DGKB: variants seen among roughly 807,000 people sequenced by gnomAD.
DGKB encodes 90 kDa diacylglycerol kinase.
Under a neutral mutation model 114.3 loss-of-function variants are expected in DGKB, and 67 were observed. That is an observed-to-expected ratio of 0.59 (90% CI 0.48 to 0.72). The LOEUF is 0.72. Among genes scored for constraint, DGKB ranks in the 30% least tolerant of loss-of-function variants. The pLI, the probability that DGKB is intolerant of heterozygous loss-of-function variation, is 0.00. For missense variants in DGKB, 907 were observed against 975.2 expected, an observed-to-expected ratio of 0.93 and a Z score of 0.93; for synonymous variants, 398 against 323.1, an observed-to-expected ratio of 1.23 and a Z score of -2.49.
Position 14,552,065 on chromosome 7 carries a change from T to A in DGKB, c.1770+22147A>T, listed in dbSNP as rs75916674. ...GCTAAATATGCTTTATAATATTATA[T>A]TTAATATTAAACAACAGGATAAATA... On this transcript the variant is annotated intron_variant, in intron 20 of 25. Transcript: ENST00000402815. 2.6e-3 allele frequency among the ~76,000 whole-genome samples: 394 copies of A among 152,224 alleles called. 3 individuals are homozygous for A. Among genetic ancestry groups the A allele is most frequent in the African/African-American group, 9.0e-3 (373 of 41,536 alleles).
At chr7:14,947,913 G>A (rs1297363112) in intron 1 of DGKB, among the ~76,000 whole-genome samples, 1 of 151,454 alleles carries the variant, frequency 6.6e-6, no homozygotes, top group Non-Finnish European at 1.5e-5. Context: ...CCAAAATATT[G>A]TGATGATTGA....
chr7:14,506,097 G>A (rs1020966940), intron 20 of DGKB, among the ~76,000 whole-genome samples: 1 of 152,132 alleles, frequency 6.6e-6, no homozygotes, highest in Non-Finnish European at 1.5e-5. Context: ...TGTTTCTAGT[G>A]CAAATGGCCA....
intron 23 of DGKB, among the ~76,000 whole-genome samples, chr7:14,260,109 A>C (rs569690300): frequency 2.1e-5 from 3 of 143,298 alleles, no homozygotes; most frequent in African/African-American, 8.0e-5. Context: ...CACACACATG[A>C]ACACACACAC....
At position 14,817,476 on chromosome 7, in the gene DGKB, C is replaced by T. The variant is rs1844318562; in HGVS notation, c.70+23718G>A. ...CCAAATAGAAATAAAAACATAAAAG[C>T]TTCTAAGGTATTGATGACGATAAAA... On this transcript the variant is annotated intron_variant, in intron 2 of 25. Transcript: ENST00000402815. Among the ~76,000 whole-genome samples, 4 of 151,998 alleles carry T rather than the reference C, an allele frequency of 2.6e-5. No homozygotes were observed. In the South Asian group the frequency reaches 8.3e-4, roughly 31 times the overall value.
chr7:14,792,744 G>T (rs1324327883), intron 2 of DGKB, among the ~76,000 whole-genome samples: 1 of 138,384 alleles, frequency 7.2e-6, no homozygotes, highest in African/African-American at 2.9e-5. Context: ...AATCTTTTAG[G>T]AAAAGACACC....
intron 2 of DGKB, among the ~76,000 whole-genome samples, chr7:14,783,579 G>A (rs1453190327): frequency 6.6e-6 from 1 of 152,104 alleles, no homozygotes. Flanking sequence ...GTTATGTATG[G>A]TCATTTCTAT....
chr7:14,820,835 G>C (rs761963831), intron 2 of DGKB, among the ~76,000 whole-genome samples: 1 of 152,132 alleles, frequency 6.6e-6, no homozygotes, highest in Non-Finnish European at 1.5e-5. Context: ...GAAAAATTCT[G>C]CAGCACAATG....
chr7:14,807,770 G>A (rs190552153), intron 2 of DGKB, among the ~76,000 whole-genome samples: 282 of 152,086 alleles, frequency 1.9e-3, no homozygotes, highest in African/African-American at 6.6e-3. Context: ...GCTCTTTAAA[G>A]CATCTCCTTT....
At chr7:14,847,265 T>C (rs959960251) in intron 1 of DGKB, among the ~76,000 whole-genome samples, 1 of 128,352 alleles carries the variant, frequency 7.8e-6, no homozygotes, top group African/African-American at 3.0e-5. Context: ...CACTCCAGCC[T>C]GGGCGACAGA....
chr7:14,157,420 T>C lies in DGKB; in HGVS notation c.2305-8182A>G, dbSNP rs1281877464. ...TTCTAGCCATTATTTTCTGGAATGA[T>C]AATTTCCAAGTTTAATGTTAAAGTC... On this transcript the variant is annotated intron_variant, in intron 25 of 25. Coordinates refer to ENST00000402815, the MANE Select transcript of DGKB (RefSeq NM_001350709.2). 3.3e-5 allele frequency among the ~76,000 whole-genome samples: 5 copies of C among 151,722 alleles called. No homozygotes were observed. The East Asian group carries it at 9.7e-4, about 30-fold the overall frequency.
chr7:14,676,948 A>G (rs1350703558), intron 12 of DGKB, among the ~76,000 whole-genome samples: 1 of 151,886 alleles, frequency 6.6e-6, no homozygotes, highest in African/African-American at 2.4e-5. Flanking sequence ...ATTTTTAAAT[A>G]TACATCCAGA....
chr7:14,183,115 T>G (rs1242130109), intron 23 of DGKB, among the ~76,000 whole-genome samples: 2 of 152,160 alleles, frequency 1.3e-5, no homozygotes, highest in African/African-American at 4.8e-5. Context: ...AGTTGTACCT[T>G]TTGAGTGTTT....
chr7:14,804,040 G>T lies in DGKB; in HGVS notation c.70+37154C>A, dbSNP rs1454446203. On this transcript the variant is annotated intron_variant, in intron 2 of 25. Coordinates refer to ENST00000402815, the MANE Select transcript of DGKB (RefSeq NM_001350709.2). Reference sequence around the variant, plus strand: ...ACTCAATAACTCATTTCATTTGTGAGTTATTTCTTCACATTGACTTCACTT... The same window carrying T: ...ACTCAATAACTCATTTCATTTGTGATTTATTTCTTCACATTGACTTCACTT... Among the ~76,000 whole-genome samples the T allele has an allele frequency of 1.0e-4, 15 of 150,570 alleles. No homozygotes were observed. The Admixed American group carries it at 1.0e-3, about 10-fold the overall frequency.
chr7:14,467,947 A>T (rs967090444), intron 21 of DGKB, among the ~76,000 whole-genome samples: 1 of 152,138 alleles, frequency 6.6e-6, no homozygotes, highest in African/African-American at 2.4e-5. Flanking sequence ...TATGTCCTGT[A>T]AAGAAGTGTT....
intron 23 of DGKB, among the ~76,000 whole-genome samples, chr7:14,325,753 T>G: frequency 6.6e-6 from 1 of 152,196 alleles, no homozygotes; most frequent in East Asian, 1.9e-4. Context: ...GGATCACATT[T>G]ATTTTTATTC....
At chr7:14,794,650 T>C (rs1408159282) in intron 2 of DGKB, among the ~76,000 whole-genome samples, 1 of 152,106 alleles carries the variant, frequency 6.6e-6, no homozygotes, top group Non-Finnish European at 1.5e-5. Context: ...AAGCAGAGCA[T>C]TATCTTGCAA....
At chr7:14,962,730 G>C (rs972387077) in intron 1 of DGKB, among the ~76,000 whole-genome samples, 1 of 151,252 alleles carries the variant, frequency 6.6e-6, no homozygotes, top group Non-Finnish European at 1.5e-5. Context: ...GGCTAATAAA[G>C]TTTCTTACAA....
chr7:14,954,241 C>T (rs1477302175), intron 1 of DGKB, among the ~76,000 whole-genome samples: 1 of 152,026 alleles, frequency 6.6e-6, no homozygotes, highest in South Asian at 2.1e-4. Flanking sequence ...TTCTAACAAG[C>T]TGGCAACTGA....
At position 14,658,571 on chromosome 7, in the gene DGKB, C is replaced by G. The variant is rs552919737; in HGVS notation, c.1134+14358G>C. 1.3e-5 allele frequency among the ~76,000 whole-genome samples: 2 copies of G among 151,906 alleles called. 1 individual carries two copies. Among genetic ancestry groups the G allele is most frequent in the South Asian group, 4.2e-4 (2 of 4,814 alleles). On this transcript the variant is annotated intron_variant, in intron 13 of 25. Coordinates refer to ENST00000402815, the MANE Select transcript of DGKB (RefSeq NM_001350709.2). ...GTTTCAAAATAGCTGGAAGAGAGGA[C>G]TTCCCAACATAAAGAAATAATGAAA...
Sources: gnomAD v4.1 joint callset for allele counts (sites outside exome capture counted in the v4.1 genomes callset) on GRCh38, gnomAD v4.1.1 for gene constraint, MANE v1.5 for transcripts, NCBI Gene and HGNC (gene_info 2026-07-23, HGNC 2026-07-21) for gene names.